DDX60L: variants seen among roughly 807,000 people sequenced by gnomAD.
DDX60L encodes the protein DExD/H-box 60 like.
A neutral mutation model predicts 211.6 loss-of-function variants in DDX60L; 191 were observed. The ratio of observed to expected loss-of-function variants is 0.90; its 90% confidence interval spans 0.80 to 1.02. DDX60L has a LOEUF of 1.02. Among genes scored for constraint, DDX60L ranks in the 50% least tolerant of loss-of-function variants. The probability of loss-of-function intolerance (pLI) is 0.00; values close to 1 mark genes in which losing one functional copy is unlikely to be tolerated. For missense variants in DDX60L, 2,007 were observed against 1,984.1 expected, an observed-to-expected ratio of 1.01 and a Z score of -0.22; for synonymous variants, 706 against 694.1, an observed-to-expected ratio of 1.02 and a Z score of -0.27.
intron 24 of DDX60L, 69 bp downstream of exon 24, chr4:168,405,881 T>G: frequency 5.5e-6 from 8 of 1,445,104 alleles, no homozygotes; most frequent in Non-Finnish European, 7.3e-6. Context: ...ATTTATTGGC[T>G]AAATTATTAT....
At chr4:168,418,060 T>G (rs1749872137) in intron 19 of DDX60L, among the ~76,000 whole-genome samples, 1 of 152,176 alleles carries the variant, frequency 6.6e-6, no homozygotes, top group Admixed American at 6.6e-5. Context: ...AAAACCAAAG[T>G]TACCCACATT....
At chr4:168,446,586 C>A (rs1754838301) in intron 9 of DDX60L, among the ~76,000 whole-genome samples, 1 of 152,004 alleles carries the variant, frequency 6.6e-6, no homozygotes, top group Non-Finnish European at 1.5e-5. Context: ...AATCCTAAGC[C>A]AAAAGAACAA....
chr4:168,442,272 A>AC (rs1365885163), intron 9 of DDX60L, among the ~76,000 whole-genome samples: 2 of 152,310 alleles, frequency 1.3e-5, no homozygotes, highest in African/African-American at 4.8e-5. Context: ...GGTCACTCCC[A>AC]CCAGAATACT....
chr4:168,410,829 G>C (rs564485838), intron 22 of DDX60L, among the ~76,000 whole-genome samples: 2 of 152,178 alleles, frequency 1.3e-5, no homozygotes, highest in Admixed American at 6.5e-5. Flanking sequence ...AGATCATTTG[G>C]TAATGGGAAC....
At chr4:168,437,839 C>T (rs1435320128) in intron 10 of DDX60L, among the ~76,000 whole-genome samples, 3 of 148,792 alleles carry the variant, frequency 2.0e-5, no homozygotes, top group Non-Finnish European at 4.4e-5. Context: ...TCACTTAAAC[C>T]CTTCGGCTGA....
intron 26 of DDX60L, among the ~76,000 whole-genome samples, chr4:168,399,610 C>A (rs1017537642): frequency 6.6e-6 from 1 of 152,166 alleles, no homozygotes; most frequent in African/African-American, 2.4e-5. Context: ...ACAGGTGAAC[C>A]TGGAACAAGA....
chr4:168,375,171 A>T (rs1008641368), intron 34 of DDX60L, among the ~76,000 whole-genome samples: 2 of 152,110 alleles, frequency 1.3e-5, no homozygotes, highest in Non-Finnish European at 2.9e-5. Flanking sequence ...TGGTAATTAT[A>T]AAGTTTTTTT....
Position 168,472,844 on chromosome 4 carries a change from C to T in DDX60L, c.-110-35G>A, listed in dbSNP as rs1330527455. ...AAGAAAAAATAGAACTGCAGTTATT[C>T]CTAAAACAAAGAAATGGACCCAAAA... is the stretch of plus-strand genomic sequence containing the variant. On this transcript the variant is annotated intron_variant, in intron 1 of 37. Coordinates refer to ENST00000682922, the MANE Select transcript of DDX60L (RefSeq NM_001012967.3). The T allele has an allele frequency of 4.7e-6, 4 of 849,508 alleles. No homozygotes were observed. The East Asian group carries it at 1.0e-4, about 21-fold the overall frequency. 52.6% of individuals were successfully genotyped at this position (849,508 alleles called of 1,614,324 possible). A position where few individuals can be genotyped will look rare whatever the true frequency, so the allele number is the denominator to read the frequency against.
At chr4:168,394,113 T>C (rs78504149) in intron 28 of DDX60L, among the ~76,000 whole-genome samples, 2,425 of 152,042 alleles carry the variant, frequency 0.016, 26 homozygotes, top group Non-Finnish European at 0.026. Flanking sequence ...GGAAAATTGA[T>C]TGACGCTGGG....
chr4:168,457,904 A>ATCAT lies in DDX60L; in HGVS notation c.707_710dup (p.Asp237GlufsTer2). 1.3e-6 allele frequency: 2 copies of ATCAT among 1,536,862 alleles called. No homozygotes were observed. Among genetic ancestry groups the ATCAT allele is most frequent in the Non-Finnish European group, 1.8e-6 (2 of 1,137,536 alleles). ...AAAATTTTAATACCTCTTCCATCAT[A>ATCAT]TCATTCCATTTCAAATGTTCAAAAT... On this transcript the variant is annotated stop_gained and frameshift_variant, in exon 6 of 38. Coordinates refer to ENST00000682922, the MANE Select transcript of DDX60L (RefSeq NM_001012967.3). LOFTEE classifies it high-confidence loss of function.
chr4:168,376,667 C>T (rs72695121), intron 33 of DDX60L, among the ~76,000 whole-genome samples: 11,483 of 152,256 alleles, frequency 0.075, 641 homozygotes, highest in Admixed American at 0.13. Flanking sequence ...CTCTTTACTG[C>T]TATGCCTTCC....
chr4:168,448,700 T>A lies in DDX60L; in HGVS notation c.1076A>T (p.Asp359Val), dbSNP rs763000585. The A allele has an allele frequency of 1.9e-6, 3 of 1,603,352 alleles. No individual in the cohort carries two copies. The highest frequency in any genetic ancestry group is 2.6e-6 in the Non-Finnish European group (3 of 1,171,480). Residue 359 changes from aspartate (D) to valine (V), a missense_variant, in exon 9 of 38, where the codon GAC (aspartate) becomes GTC (valine). Coordinates refer to ENST00000682922, the MANE Select transcript of DDX60L (RefSeq NM_001012967.3). ...CWNLNLNHVS[D>V]LYDEQLLKNI... ...CTTTAACAATTGCTCATCATACAAGTCAGAAACATGATTTAAATTCAGATT... is the reference window on the plus strand; with the variant it reads ...CTTTAACAATTGCTCATCATACAAGACAGAAACATGATTTAAATTCAGATT...
chr4:168,426,998 A>G, intron 14 of DDX60L, 72 bp downstream of exon 14: 2 of 1,439,648 alleles, frequency 1.4e-6, no homozygotes, highest in Non-Finnish European at 1.9e-6. Flanking sequence ...ACAACCATGC[A>G]TTCAGTAAAT....
intron 27 of DDX60L, 59 bp downstream of exon 27, chr4:168,395,900 G>T (rs997023310): frequency 8.7e-7 from 1 of 1,142,972 alleles, no homozygotes; most frequent in Non-Finnish European, 1.3e-6. Flanking sequence ...GATATTAAAC[G>T]ATCACTATGA....
chr4:168,372,632 T>C (rs1741226763), intron 35 of DDX60L, among the ~76,000 whole-genome samples: 1 of 151,454 alleles, frequency 6.6e-6, no homozygotes, highest in Non-Finnish European at 1.5e-5. Flanking sequence ...GAGACTGAGG[T>C]GGGAGGATCA....
chr4:168,435,908 A>G (rs1226609887), intron 10 of DDX60L, among the ~76,000 whole-genome samples: 2 of 152,192 alleles, frequency 1.3e-5, no homozygotes, highest in Non-Finnish European at 2.9e-5. Context: ...GAGAATTTCC[A>G]TCTCAGCAAA....
intron 14 of DDX60L, among the ~76,000 whole-genome samples, chr4:168,424,326 C>A (rs1184216398): frequency 6.6e-6 from 1 of 152,166 alleles, no homozygotes; most frequent in East Asian, 1.9e-4. Flanking sequence ...CTCTCCTAAG[C>A]CCTTCTATTA....
chr4:168,390,455 T>C, intron 29 of DDX60L: 1 of 1,357,798 alleles, frequency 7.4e-7, no homozygotes. Flanking sequence ...TCCTAAAAGG[T>C]CATGAAATGG....
intron 37 of DDX60L, among the ~76,000 whole-genome samples, chr4:168,358,839 C>T (rs1004278647): frequency 6.6e-5 from 10 of 152,068 alleles, no homozygotes; most frequent in African/African-American, 2.4e-4. Context: ...TTATATTACA[C>T]CTAAACTTGC....
Sources: gnomAD v4.1 joint callset for allele counts (sites outside exome capture counted in the v4.1 genomes callset) on GRCh38, gnomAD v4.1.1 for gene constraint, MANE v1.5 for transcripts, NCBI Gene and HGNC (gene_info 2026-07-23, HGNC 2026-07-21) for gene names.